STK3: variants seen among roughly 807,000 people sequenced by gnomAD.
The protein encoded by STK3 is serine/threonine-protein kinase 3.
In STK3, 41 loss-of-function variants were observed where a neutral mutation model predicts 58.0. The observed-to-expected ratio is 0.71, with a 90% CI of 0.55 to 0.92. The LOEUF is 0.92. Ranked by LOEUF, STK3 falls within the 40% of genes least tolerant of loss-of-function variation. The pLI is 0.00. For missense variants in STK3, 479 were observed against 602.7 expected (o/e 0.79, Z 2.15); for synonymous variants, 170 against 191.0 (o/e 0.89, Z 0.91).
intron 9 of STK3, among the ~76,000 whole-genome samples, chr8:98,546,659 C>T (rs556487439): frequency 3.9e-5 from 6 of 152,230 alleles, no homozygotes; most frequent in Admixed American, 1.3e-4. Context: ...ATAAGACCAT[C>T]CTCTGCAGTG....
At chr8:98,588,164 T>C (rs1814842164) in intron 7 of STK3, among the ~76,000 whole-genome samples, 1 of 152,114 alleles carries the variant, frequency 6.6e-6, no homozygotes, top group Admixed American at 6.5e-5. Context: ...GTTATTTTGC[T>C]CGTTAGTTGA....
intron 3 of STK3, among the ~76,000 whole-genome samples, chr8:98,752,930 A>C (rs1326398555): frequency 6.8e-6 from 1 of 147,176 alleles, no homozygotes; most frequent in East Asian, 2.0e-4. Flanking sequence ...AGTCAGAATG[A>C]CTATTATTAA....
chr8:98,472,409 T>A (rs1387651811), intron 10 of STK3, among the ~76,000 whole-genome samples: 2 of 152,168 alleles, frequency 1.3e-5, no homozygotes, highest in Non-Finnish European at 2.9e-5. Flanking sequence ...ACATACACCT[T>A]ATGGTGGAGA....
At chr8:98,509,499 C>T (rs1824341569) in intron 10 of STK3, among the ~76,000 whole-genome samples, 1 of 151,824 alleles carries the variant, frequency 6.6e-6, no homozygotes, top group South Asian at 2.1e-4. Flanking sequence ...TGAAAACATC[C>T]TAATGGAATT....
In STK3 at chr8:98,583,611, G is replaced by A. The variant is rs1334125777; in HGVS notation, c.823-3822C>T. On this transcript the variant is annotated intron_variant, in intron 7 of 10. Transcript: ENST00000419617. ...TTCAATAAGCTCTTCTGTATCTCTTGATAAACAGTTACATGGTAATGAAAC... is the reference window on the plus strand; with the variant it reads ...TTCAATAAGCTCTTCTGTATCTCTTAATAAACAGTTACATGGTAATGAAAC... Among the ~76,000 whole-genome samples the A allele has an allele frequency of 2.0e-5, 3 of 152,196 alleles. No homozygotes were observed. The East Asian group carries it at 5.8e-4, about 29-fold the overall frequency.
At chr8:98,469,415 G>C (rs1229728569) in intron 10 of STK3, among the ~76,000 whole-genome samples, 1 of 152,118 alleles carries the variant, frequency 6.6e-6, no homozygotes, top group African/African-American at 2.4e-5. Flanking sequence ...TTCAGCGCTG[G>C]GGCTGGACCA....
At chr8:98,793,751 G>A (rs938669692) in intron 1 of STK3, among the ~76,000 whole-genome samples, 8 of 151,736 alleles carry the variant, frequency 5.3e-5, no homozygotes, top group East Asian at 3.9e-4. Flanking sequence ...CACTGTTCTC[G>A]TCTGCACATG....
intron 1 of STK3, among the ~76,000 whole-genome samples, chr8:98,934,760 A>G (rs1170334764): frequency 1.3e-5 from 2 of 152,076 alleles, no homozygotes; most frequent in South Asian, 4.2e-4. Flanking sequence ...TACTAAAAAT[A>G]CAAAAATCAG....
chr8:98,515,177 T>C (rs1824832846), intron 10 of STK3, among the ~76,000 whole-genome samples: 2 of 152,094 alleles, frequency 1.3e-5, no homozygotes, highest in African/African-American at 2.4e-5. Flanking sequence ...TTCCTCTCTA[T>C]GCTTCACTTT....
chr8:98,744,256 A>G (rs1442043039), intron 4 of STK3, among the ~76,000 whole-genome samples: 2 of 152,154 alleles, frequency 1.3e-5, no homozygotes, highest in Non-Finnish European at 2.9e-5. Flanking sequence ...ACTATAAATC[A>G]TGCTGCTATA....
chr8:98,372,589 G>A (rs942659171), intron 2 of STK3, among the ~76,000 whole-genome samples: 5 of 151,586 alleles, frequency 3.3e-5, no homozygotes, highest in Admixed American at 2.0e-4. Flanking sequence ...CTTCACTGAC[G>A]TGAGAGATAA....
chr8:98,361,858 C>A, the STK3 span, among the ~76,000 whole-genome samples: 2 of 152,150 alleles, frequency 1.3e-5, no homozygotes, highest in East Asian at 1.9e-4. Context: ...GGCTTCAGAA[C>A]AAGGGAGCCA....
chr8:98,606,020 G>C (rs892409164), intron 6 of STK3: 3 of 152,270 alleles, frequency 2.0e-5, no homozygotes, highest in African/African-American at 4.8e-5. Flanking sequence ...CTGAGGTCAG[G>C]AGTTTGAGAC....
intron 6 of STK3, among the ~76,000 whole-genome samples, chr8:98,616,766 A>G (rs549854915): frequency 1.3e-5 from 2 of 150,222 alleles, no homozygotes; most frequent in African/African-American, 2.4e-5. Context: ...AGCTAACTAT[A>G]CTAAATATAT....
At chr8:98,596,601 G>A (rs973385947) in intron 6 of STK3, among the ~76,000 whole-genome samples, 2 of 152,062 alleles carry the variant, frequency 1.3e-5, no homozygotes, top group African/African-American at 2.4e-5. Context: ...GAATATTTAA[G>A]TAAAATTACT....
chr8:98,463,453 T>C (rs1586622900), intron 10 of STK3, among the ~76,000 whole-genome samples: 1 of 151,878 alleles, frequency 6.6e-6, no homozygotes. Context: ...AACAGGAGCA[T>C]AAAAAACTCA....
chr8:98,576,082 T>C (rs1813373693), intron 8 of STK3, among the ~76,000 whole-genome samples: 1 of 152,210 alleles, frequency 6.6e-6, no homozygotes, highest in Admixed American at 6.5e-5. Context: ...CTGTATTTGA[T>C]AAAACATAGG....
intron 6 of STK3, among the ~76,000 whole-genome samples, chr8:98,644,872 A>T (rs1312749334): frequency 6.6e-6 from 1 of 152,192 alleles, no homozygotes; most frequent in African/African-American, 2.4e-5. Flanking sequence ...TCTATATATA[A>T]ACATTGAATG....
chr8:98,875,587 T>C (rs1837536802), intron 3 of STK3: 1 of 152,262 alleles, frequency 6.6e-6, no homozygotes, highest in Non-Finnish European at 1.5e-5. Context: ...GACCATTTCA[T>C]TCTTCCCAGA....
Sources: gnomAD v4.1 joint callset for allele counts (sites outside exome capture counted in the v4.1 genomes callset) on GRCh38, gnomAD v4.1.1 for gene constraint, MANE v1.5 for transcripts, NCBI Gene and HGNC (gene_info 2026-07-23, HGNC 2026-07-21) for gene names.